Variants in SPRED1 observed in about 807,000 individuals in gnomAD.
SPRED1 encodes the protein sprouty related EVH1 domain containing 1.
A neutral mutation model predicts 52.3 loss-of-function variants in SPRED1; 18 were observed. The observed-to-expected ratio is 0.34, with a 90% CI of 0.24 to 0.51. The LOEUF is 0.51. Among genes scored for constraint, SPRED1 ranks in the 20% least tolerant of loss-of-function variants. The probability of loss-of-function intolerance (pLI) is 0.97; values close to 1 mark genes in which losing one functional copy is unlikely to be tolerated. For missense variants in SPRED1, 485 were observed against 551.0 expected (o/e 0.88, Z 1.20); for synonymous variants, 155 against 179.7 (o/e 0.86, Z 1.10).
At chr15:38,286,278 T>C (rs1894807924) in intron 1 of SPRED1, among the ~76,000 whole-genome samples, 1 of 151,202 alleles carries the variant, frequency 6.6e-6, no homozygotes, top group African/African-American at 2.4e-5. Flanking sequence ...ATTAGCTCTG[T>C]ACATCATTAT....
intron 2 of SPRED1, among the ~76,000 whole-genome samples, chr15:38,303,510 G>A (rs1453069348): frequency 6.6e-6 from 1 of 152,128 alleles, no homozygotes; most frequent in Non-Finnish European, 1.5e-5. Context: ...TACATGGTAT[G>A]TGACATGTAA....
chr15:38,302,969 G>A (rs151061221), intron 2 of SPRED1, among the ~76,000 whole-genome samples: 7 of 152,004 alleles, frequency 4.6e-5, no homozygotes, highest in Non-Finnish European at 1.0e-4. Context: ...AGCGACCATC[G>A]TGGCTAACAC....
In SPRED1 at chr15:38,344,384, A is replaced by G. The variant is rs551392626; in HGVS notation, c.582+4489A>G. Among the ~76,000 whole-genome samples, 7 of 152,268 alleles carry G rather than the reference A, an allele frequency of 4.6e-5. No homozygotes were observed. The East Asian group carries it at 1.3e-3, about 29-fold the overall frequency. On this transcript the variant is annotated intron_variant, in intron 5 of 6. Coordinates refer to ENST00000299084, the MANE Select transcript of SPRED1 (RefSeq NM_152594.3). ...CTTTGGCTGAAAGAACTGTAAATTT[A>G]AAGGTCTTCTTTTGATTGATGGGGA...
chr15:38,310,153 G>GTGTGTGTGTGTGTGTGTGTGTGTGTTTT (rs373463622), intron 2 of SPRED1, among the ~76,000 whole-genome samples: 1 of 132,188 alleles, frequency 7.6e-6, no homozygotes, highest in Admixed American at 7.8e-5. Context: ...GTGTGTGTGT[G>GTGTGTGTGTGTGTGTGTGTGTGTGTTTT]TTTGGAGACG....
intron 1 of SPRED1, among the ~76,000 whole-genome samples, chr15:38,280,982 T>C (rs927239683): frequency 6.6e-6 from 1 of 152,200 alleles, no homozygotes; most frequent in African/African-American, 2.4e-5. Context: ...AGTGTGATGA[T>C]ATATTTAGAA....
At chr15:38,323,602 A>T (rs1214582274) in intron 3 of SPRED1, among the ~76,000 whole-genome samples, 1 of 131,992 alleles carries the variant, frequency 7.6e-6, no homozygotes, top group Non-Finnish European at 1.6e-5. Context: ...TGTAATTTGA[A>T]TTTGAAGAAA....
intron 4 of SPRED1, among the ~76,000 whole-genome samples, chr15:38,327,260 T>A (rs1438264763): frequency 6.6e-6 from 1 of 152,186 alleles, no homozygotes; most frequent in Admixed American, 6.5e-5. Flanking sequence ...GAGTGTATTT[T>A]GAATATGAGA....
chr15:38,325,090 C>T (rs1044103236), intron 4 of SPRED1, among the ~76,000 whole-genome samples: 3 of 152,098 alleles, frequency 2.0e-5, no homozygotes, highest in African/African-American at 7.2e-5. Context: ...CACCCACCTC[C>T]CCACAGTGCT....
intron 1 of SPRED1, among the ~76,000 whole-genome samples, chr15:38,262,938 C>T (rs1894232704): frequency 6.6e-6 from 1 of 152,126 alleles, no homozygotes; most frequent in Non-Finnish European, 1.5e-5. Flanking sequence ...ACAGTGGCGA[C>T]TCAGTATTTT....
intron 3 of SPRED1, among the ~76,000 whole-genome samples, chr15:38,323,311 G>A (rs967138562): frequency 2.6e-5 from 4 of 151,974 alleles, no homozygotes; most frequent in Non-Finnish European, 4.4e-5. Context: ...ATTAGAATTT[G>A]GTAAATGAGT....
intron 4 of SPRED1, among the ~76,000 whole-genome samples, chr15:38,330,831 A>T (rs1186692725): frequency 6.6e-6 from 1 of 152,130 alleles, no homozygotes; most frequent in African/African-American, 2.4e-5. Flanking sequence ...CGACTGTGAT[A>T]TCCCTTTTTT....
chr15:38,282,693 T>C (rs991850719), intron 1 of SPRED1, among the ~76,000 whole-genome samples: 52 of 152,182 alleles, frequency 3.4e-4, no homozygotes, highest in African/African-American at 1.2e-3. Flanking sequence ...CATTTCCTAA[T>C]AGCGATGGGA....
intron 1 of SPRED1, among the ~76,000 whole-genome samples, chr15:38,261,277 A>T (rs1025533254): frequency 2.0e-5 from 3 of 152,210 alleles, no homozygotes; most frequent in African/African-American, 7.2e-5. Flanking sequence ...GGATTTACTT[A>T]ACTTTGGGAT....
chr15:38,279,113 A>C (rs1435853249), intron 1 of SPRED1, among the ~76,000 whole-genome samples: 1 of 152,236 alleles, frequency 6.6e-6, no homozygotes, highest in Non-Finnish European at 1.5e-5. Context: ...GGCGTGAGCC[A>C]CCATGCCCAG....
At chr15:38,336,780 G>T (rs561921409) in intron 4 of SPRED1, among the ~76,000 whole-genome samples, 1 of 152,016 alleles carries the variant, frequency 6.6e-6, no homozygotes, top group East Asian at 1.9e-4. Context: ...GGACTTTAGG[G>T]ACTCGGAAAA....
rs149525308 is a variant in SPRED1 at position 38,274,784 on chromosome 15, T to C, written c.32+21567T>C. Among the ~76,000 whole-genome samples the C allele has an allele frequency of 5.3e-3, 803 of 152,354 alleles. 5 individuals are homozygous for C. Among genetic ancestry groups the C allele is most frequent in the Non-Finnish European group, 8.5e-3 (581 of 68,030 alleles). On this transcript the variant is annotated intron_variant, in intron 1 of 6. Coordinates refer to ENST00000299084, the MANE Select transcript of SPRED1 (RefSeq NM_152594.3). ...CCTGTCTTTTATAACCTTGACACTT[T>C]TGAAGAGTACTGGCCAGGAATTTTG...
At chr15:38,347,573 G>A (rs62004366) in intron 5 of SPRED1, among the ~76,000 whole-genome samples, 11,291 of 148,904 alleles carry the variant, frequency 0.076, 614 homozygotes, top group Non-Finnish European at 0.11. Context: ...TTTGAATTGC[G>A]CTGAATGTGT....
chr15:38,279,477 A>C (rs1347564123), intron 1 of SPRED1, among the ~76,000 whole-genome samples: 1 of 152,220 alleles, frequency 6.6e-6, no homozygotes, highest in Non-Finnish European at 1.5e-5. Context: ...CTCAATCAAA[A>C]GAGGATGTGT....
At chr15:38,311,993 T>A (rs980021279) in intron 2 of SPRED1, among the ~76,000 whole-genome samples, 14 of 152,250 alleles carry the variant, frequency 9.2e-5, no homozygotes, top group African/African-American at 3.4e-4. Context: ...AGATTTTTCC[T>A]CCTTTGTAAA....
Sources: allele counts gnomAD v4.1 joint callset (sites outside exome capture counted in the v4.1 genomes callset), GRCh38; gene constraint gnomAD v4.1.1; transcripts MANE v1.5; gene names NCBI Gene and HGNC (gene_info 2026-07-23, HGNC 2026-07-21).